Variants in TDRD3 observed in about 807,000 individuals in gnomAD.
TDRD3 encodes tudor domain containing 3.
TDRD3 carries 45 observed loss-of-function variants against 86.7 expected under a neutral mutation model. The ratio of observed to expected loss-of-function variants is 0.52; its 90% confidence interval spans 0.41 to 0.67. The LOEUF is 0.67. Ranked by LOEUF, TDRD3 falls within the 30% of genes least tolerant of loss-of-function variation. The probability of loss-of-function intolerance (pLI) is 0.00; values close to 1 mark genes in which losing one functional copy is unlikely to be tolerated. For missense variants in TDRD3, 814 were observed against 889.0 expected, an observed-to-expected ratio of 0.92 and a Z score of 1.07; for synonymous variants, 298 against 301.7, an observed-to-expected ratio of 0.99 and a Z score of 0.13.
Position 60,397,345 on chromosome 13 carries a change from C to G in TDRD3, c.-20C>G. 1 of 1,477,586 alleles carries G rather than the reference C, an allele frequency of 6.8e-7. No homozygotes were observed. Among genetic ancestry groups the G allele is most frequent in the South Asian group, 1.3e-5 (1 of 77,652 alleles). 91.5% of individuals were successfully genotyped at this position (1,477,586 alleles called of 1,614,324 possible). The stretch of plus-strand genomic sequence containing the variant: ...CACCCCCACCCCAGCCCCCCACCAC[C>G]CCCGGCCTAAGCAGCTACCATGGCC... On this transcript the variant is annotated 5_prime_UTR_variant, in exon 1 of 14. Coordinates refer to ENST00000377881, the MANE Select transcript of TDRD3 (RefSeq NM_001146070.2).
rs554691576 is a variant in TDRD3, at chr13:60,419,312, T to G, written c.42-20376T>G. On this transcript the variant is annotated intron_variant, in intron 1 of 13. Coordinates refer to ENST00000377881, the MANE Select transcript of TDRD3 (RefSeq NM_001146070.2). ...TTTCTTGATGGCTAAAGATGTTGAG[T>G]ACTTTTTAATGTGACTATTAGCTCT... 1.1e-4 allele frequency among the ~76,000 whole-genome samples: 17 copies of G among 152,316 alleles called. 1 individual carries two copies. The East Asian group carries it at 2.9e-3, about 26-fold the overall frequency.
chr13:60,455,813 A>C lies in TDRD3; in HGVS notation c.193-4567A>C, dbSNP rs145212994. On this transcript the variant is annotated intron_variant, in intron 3 of 13. Coordinates refer to ENST00000377881, the MANE Select transcript of TDRD3 (RefSeq NM_001146070.2). The stretch of plus-strand genomic sequence containing the variant: ...CCAGGTATGGTTGCCCACGCCTGTA[A>C]TCCCAGCACTTTAGAAGGCCAAGGT... 3.9e-5 allele frequency among the ~76,000 whole-genome samples: 6 copies of C among 152,220 alleles called. No individual in the cohort carries two copies. The East Asian group carries it at 1.2e-3, about 30-fold the overall frequency.
In TDRD3 at chr13:60,573,667, T is replaced by C; in HGVS notation, c.*61T>C. On this transcript the variant is annotated 3_prime_UTR_variant, in exon 14 of 14. Transcript: ENST00000377881. The stretch of plus-strand genomic sequence containing the variant: ...ACTGAAACACCCTGGTGGAAACCTG[T>C]TGACAGACCTTCCACTTTCTCTTCA... 1 of 984,694 alleles carries C rather than the reference T, an allele frequency of 1.0e-6. No individual in the cohort carries two copies. The highest frequency in any genetic ancestry group is 4.7e-5 in the South Asian group (1 of 21,254). 61.0% of individuals were successfully genotyped at this position (984,694 alleles called of 1,614,324 possible).
intron 2 of TDRD3, among the ~76,000 whole-genome samples, chr13:60,444,084 C>T (rs1290958503): frequency 6.6e-6 from 1 of 151,890 alleles, no homozygotes; most frequent in Non-Finnish European, 1.5e-5. Flanking sequence ...TGTTGAGTTA[C>T]AGGTACTTCT....
chr13:60,567,455 A>G (rs1958486351), intron 12 of TDRD3, 70 bp from the exon 13 acceptor site: 4 of 1,602,938 alleles, frequency 2.5e-6, no homozygotes, highest in African/African-American at 1.3e-5. Context: ...AATAGGGACC[A>G]TACAATTTTT....
At chr13:60,554,442 C>T (rs1162301928) in intron 12 of TDRD3, among the ~76,000 whole-genome samples, 1 of 152,158 alleles carries the variant, frequency 6.6e-6, no homozygotes, top group Non-Finnish European at 1.5e-5. Flanking sequence ...ACAATATAGA[C>T]ATCATCATTG....
intron 7 of TDRD3, among the ~76,000 whole-genome samples, chr13:60,489,525 G>A (rs1354656438): frequency 1.3e-5 from 2 of 152,134 alleles, no homozygotes; most frequent in Admixed American, 1.3e-4. Context: ...ACCTTTGGAT[G>A]GTTACTCAGC....
chr13:60,540,954 T>C (rs555934761), intron 12 of TDRD3, among the ~76,000 whole-genome samples: 95 of 152,304 alleles, frequency 6.2e-4, no homozygotes, highest in Non-Finnish European at 1.0e-3. Flanking sequence ...GTTATTTTAA[T>C]AATAATGCAT....
intron 1 of TDRD3, among the ~76,000 whole-genome samples, chr13:60,421,852 A>G (rs1336120248): frequency 1.3e-5 from 2 of 152,208 alleles, no homozygotes. Flanking sequence ...TGCAAATGAA[A>G]TGACTGGAGG....
At chr13:60,478,600 C>T (rs1014776283) in intron 5 of TDRD3, among the ~76,000 whole-genome samples, 13 of 151,910 alleles carry the variant, frequency 8.6e-5, no homozygotes, top group South Asian at 2.1e-4. Flanking sequence ...CTACCGTGCC[C>T]GGTCCACAGT....
chr13:60,438,087 G>A (rs1428140917), intron 1 of TDRD3, among the ~76,000 whole-genome samples: 2 of 152,036 alleles, frequency 1.3e-5, no homozygotes, highest in Non-Finnish European at 2.9e-5. Flanking sequence ...CTTCTTGAGG[G>A]CAGGTGTTTA....
intron 1 of TDRD3, among the ~76,000 whole-genome samples, chr13:60,427,878 G>T (rs1465565470): frequency 5.9e-5 from 9 of 152,084 alleles, no homozygotes. Flanking sequence ...ATTTGTAATG[G>T]GTATATTTAT....
intron 1 of TDRD3, among the ~76,000 whole-genome samples, chr13:60,401,548 T>TAAA (rs1954102764): frequency 6.6e-6 from 1 of 152,166 alleles, no homozygotes; most frequent in Non-Finnish European, 1.5e-5. Flanking sequence ...TTTTACCCAG[T>TAAA]AGTTTGAGTT....
intron 1 of TDRD3, among the ~76,000 whole-genome samples, chr13:60,416,390 A>G (rs1160674875): frequency 6.6e-6 from 1 of 152,204 alleles, no homozygotes; most frequent in Non-Finnish European, 1.5e-5. Flanking sequence ...TTGAGCTGAT[A>G]TGGTCAACTA....
chr13:60,536,005 C>T (rs1260037906), intron 12 of TDRD3: 1 of 152,014 alleles, frequency 6.6e-6, no homozygotes, highest in African/African-American at 2.4e-5. Flanking sequence ...CCAATATCAA[C>T]AAATATGTTG....
intron 4 of TDRD3, among the ~76,000 whole-genome samples, chr13:60,465,561 C>G (rs1359716576): frequency 6.6e-6 from 1 of 152,036 alleles, no homozygotes; most frequent in Non-Finnish European, 1.5e-5. Context: ...ATTGAGATAG[C>G]ATTGGTGTAT....
chr13:60,410,730 C>T (rs577394889), intron 1 of TDRD3, among the ~76,000 whole-genome samples: 7 of 152,304 alleles, frequency 4.6e-5, no homozygotes, highest in African/African-American at 1.7e-4. Context: ...GGTTAGTTCT[C>T]AGGCTACATG....
chr13:60,532,292 T>A (rs1047705842), intron 11 of TDRD3, among the ~76,000 whole-genome samples: 1 of 152,190 alleles, frequency 6.6e-6, no homozygotes, highest in African/African-American at 2.4e-5. Flanking sequence ...AATGATCTTC[T>A]ACGATGGCTA....
chr13:60,545,990 T>C (rs1957933076), intron 12 of TDRD3, among the ~76,000 whole-genome samples: 2 of 152,116 alleles, frequency 1.3e-5, no homozygotes, highest in South Asian at 4.1e-4. Context: ...ATGCGTGTCA[T>C]GTGGCTTTTA....
Sources: allele counts gnomAD v4.1 joint callset (sites outside exome capture counted in the v4.1 genomes callset), GRCh38; gene constraint gnomAD v4.1.1; transcripts MANE v1.5; gene names NCBI Gene and HGNC (gene_info 2026-07-23, HGNC 2026-07-21).